GRAMD2B: variants seen among roughly 807,000 people sequenced by gnomAD.
GRAMD2B encodes GRAM domain containing 2B.
Under a neutral mutation model 59.2 loss-of-function variants are expected in GRAMD2B, and 41 were observed. The ratio of observed to expected loss-of-function variants is 0.69; its 90% CI spans 0.54 to 0.90. GRAMD2B has a LOEUF of 0.90. GRAMD2B is among the 40% of genes least tolerant of loss of function. The pLI is 0.00. For missense variants in GRAMD2B, 424 were observed against 500.5 expected (o/e 0.85, Z 1.46); for synonymous variants, 161 against 182.7 (o/e 0.88, Z 0.96).
intron 1 of GRAMD2B, among the ~76,000 whole-genome samples, chr5:126,462,120 A>G (rs561940985): frequency 1.3e-5 from 2 of 152,384 alleles, no homozygotes; most frequent in African/African-American, 4.8e-5. Context: ...TTGTTGAAAA[A>G]GGAGGATTGG....
chr5:126,417,404 C>G (rs764984007), intron 1 of GRAMD2B, among the ~76,000 whole-genome samples: 2 of 152,228 alleles, frequency 1.3e-5, no homozygotes, highest in Non-Finnish European at 2.9e-5. Flanking sequence ...GAGCACTGCA[C>G]AGACACTGAA....
chr5:126,486,513 G>A (rs1772942390), intron 11 of GRAMD2B, among the ~76,000 whole-genome samples: 1 of 152,190 alleles, frequency 6.6e-6, no homozygotes, highest in African/African-American at 2.4e-5. Flanking sequence ...AGATAAAGGA[G>A]GGAGTCACCA....
chr5:126,394,254 G>C (rs1283585792), intron 1 of GRAMD2B, among the ~76,000 whole-genome samples: 1 of 149,174 alleles, frequency 6.7e-6, no homozygotes, highest in Admixed American at 6.7e-5. Context: ...CAGCCCGGAC[G>C]ACACAGCAAG....
At chr5:126,374,673 T>G (rs1430098963) in intron 1 of GRAMD2B, among the ~76,000 whole-genome samples, 2 of 152,236 alleles carry the variant, frequency 1.3e-5, no homozygotes, top group Non-Finnish European at 2.9e-5. Context: ...CAAACTAGGA[T>G]TCTTTCTGTG....
chr5:126,404,399 A>G (rs1758091161), intron 1 of GRAMD2B, among the ~76,000 whole-genome samples: 1 of 151,942 alleles, frequency 6.6e-6, no homozygotes, highest in African/African-American at 2.4e-5. Context: ...TGCATCAAGG[A>G]CATGATGCCA....
At chr5:126,474,346 T>C (rs1288166188) in intron 5 of GRAMD2B, among the ~76,000 whole-genome samples, 1 of 152,254 alleles carries the variant, frequency 6.6e-6, no homozygotes, top group African/African-American at 2.4e-5. Flanking sequence ...ACAAATCTAA[T>C]AGGAATATTT....
intron 1 of GRAMD2B, among the ~76,000 whole-genome samples, chr5:126,398,028 T>C (rs1325206102): frequency 1.4e-5 from 2 of 145,672 alleles, no homozygotes; most frequent in East Asian, 4.0e-4. Flanking sequence ...ATTTTTTTTT[T>C]TTTTTTTTTT....
chr5:126,462,554 C>A, intron 1 of GRAMD2B: 1 of 422,738 alleles, frequency 2.4e-6, no homozygotes, highest in Non-Finnish European at 3.2e-6. Context: ...ATGAATTTCA[C>A]TTCCTCTTTG....
chr5:126,429,028 CT>C (rs1269846090), intron 1 of GRAMD2B, among the ~76,000 whole-genome samples: 2 of 152,136 alleles, frequency 1.3e-5, no homozygotes, highest in Admixed American at 1.3e-4. Context: ...TCAGCAATCC[CT>C]TTACTGGGTA....
At chr5:126,417,087 G>A (rs1158059023) in intron 1 of GRAMD2B, among the ~76,000 whole-genome samples, 1 of 152,224 alleles carries the variant, frequency 6.6e-6, no homozygotes, top group Non-Finnish European at 1.5e-5. Context: ...AGTATCTATA[G>A]TCAGAGGGCC....
At chr5:126,398,407 C>T (rs749344924) in intron 1 of GRAMD2B, among the ~76,000 whole-genome samples, 7 of 152,144 alleles carry the variant, frequency 4.6e-5, no homozygotes, top group Admixed American at 2.0e-4. Flanking sequence ...AGTTTTTTGG[C>T]ATATGATCAT....
Position 126,492,925 on chromosome 5 carries a change from A to G in GRAMD2B, c.1268A>G (p.Asn423Ser). 6.2e-7 allele frequency: 1 copy of G among 1,607,948 alleles called. No individual in the cohort carries two copies. Among genetic ancestry groups the G allele is most frequent in the Non-Finnish European group, 8.5e-7 (1 of 1,174,516 alleles). The part of the protein sequence containing the change: ...NIVKLEKIQN[N>S]LQKLLENGD The stretch of plus-strand genomic sequence containing the variant: ...TTCTTTTATTTCAAGATACAAAATA[A>G]CTTACAGAAGTTGCTTGAGAATGGT... The change falls in exon 14 of 14, where the codon AAC becomes AGC. Residue 423 changes from asparagine to serine, a missense_variant. Physicochemically the swap from Asn to Ser is conservative, Grantham distance 46. Transcript: ENST00000285689.
intron 1 of GRAMD2B, among the ~76,000 whole-genome samples, chr5:126,360,742 C>G (rs1288654419): frequency 6.6e-6 from 1 of 152,098 alleles, no homozygotes; most frequent in Non-Finnish European, 1.5e-5. Context: ...GTCACTCAAG[C>G]TGAAAGGGGA....
At chr5:126,447,270 T>G (rs1315096386) in intron 1 of GRAMD2B, among the ~76,000 whole-genome samples, 1 of 152,186 alleles carries the variant, frequency 6.6e-6, no homozygotes, top group Admixed American at 6.5e-5. Flanking sequence ...GCCTTTCCCA[T>G]GCCAGTTTTC....
chr5:126,455,180 T>C (rs34395281), intron 1 of GRAMD2B, among the ~76,000 whole-genome samples: 47,387 of 151,820 alleles, frequency 0.31, 7,761 homozygotes, highest in East Asian at 0.59. Flanking sequence ...TGTTTTCTCT[T>C]GTCTCCAGCT....
intron 8 of GRAMD2B, among the ~76,000 whole-genome samples, chr5:126,483,045 ATAAG>A (rs1253765340): frequency 1.4e-5 from 2 of 147,746 alleles, no homozygotes; most frequent in Non-Finnish European, 3.0e-5. Flanking sequence ...TAAAAAAATT[ATAAG>A]TTAGTAATAT....
chr5:126,493,232 G>GA lies in GRAMD2B; in HGVS notation c.*278dup. 1 of 450,168 alleles carries GA rather than the reference G, an allele frequency of 2.2e-6. No individual in the cohort carries two copies. The highest frequency in any genetic ancestry group is 3.0e-5 in the South Asian group (1 of 33,790). The allele number at this position is 450,168 out of a possible 1,614,324, so 27.9% of individuals were successfully genotyped here. ...CTGGAGGTCTCAGGAAGGGCCCAGC[G>GA]AACACACTCTCTTGGATAATTACCA... On this transcript the variant is annotated 3_prime_UTR_variant, in exon 14 of 14. Transcript: ENST00000285689.
intron 1 of GRAMD2B, among the ~76,000 whole-genome samples, chr5:126,398,935 C>A (rs1487397280): frequency 1.3e-5 from 2 of 152,150 alleles, no homozygotes; most frequent in African/African-American, 4.8e-5. Flanking sequence ...TCTCTAGTTT[C>A]ATTCCATTGT....
chr5:126,435,526 C>T (rs956026130), intron 1 of GRAMD2B, among the ~76,000 whole-genome samples: 2 of 152,176 alleles, frequency 1.3e-5, no homozygotes, highest in African/African-American at 4.8e-5. Flanking sequence ...TCCCCTCTTG[C>T]TTTGCTCTTT....
Sources: gnomAD v4.1 joint callset for allele counts (sites outside exome capture counted in the v4.1 genomes callset) on GRCh38, gnomAD v4.1.1 for gene constraint, MANE v1.5 for transcripts, NCBI Gene and HGNC (gene_info 2026-07-23, HGNC 2026-07-21) for gene names.